Variants in SCAF4 observed in about 807,000 individuals in gnomAD.
SCAF4 encodes SR-related CTD associated factor 4.
SCAF4 carries 25 observed loss-of-function variants against 129.8 expected under a neutral mutation model. That is an observed-to-expected ratio of 0.19 (90% CI 0.14 to 0.27). The LOEUF is 0.27. SCAF4 is among the 10% of genes least tolerant of loss of function. The probability of loss-of-function intolerance (pLI) is 1.00; values close to 1 mark genes in which losing one functional copy is unlikely to be tolerated. For synonymous variants in SCAF4, 551 were observed against 497.7 expected (o/e 1.11, Z -1.43); for missense variants, 1,246 against 1,457.1 (o/e 0.86, Z 2.36).
intron 7 of SCAF4, 133 bp downstream of exon 7, chr21:31,700,859 CTTG>C: frequency 1.0e-6 from 1 of 994,764 alleles, no homozygotes; most frequent in Non-Finnish European, 1.5e-6. Flanking sequence ...TCGATGTTTT[CTTG>C]TTGAGGGGGA....
At chr21:31,706,203 T>G in intron 2 of SCAF4, 71 bp downstream of exon 2, 1 of 1,028,802 alleles carries the variant, frequency 9.7e-7, no homozygotes. Context: ...AGTTGACTTC[T>G]CATGTTTAAA....
rs1568849051 is a variant in SCAF4, at chr21:31,703,912, G to A, written c.174C>T (p.Tyr58=). ...EKFIKKCKPE[Y]KVPGLYVIDS... ...CAATTACATATAATCCCGGAACCTT[G>A]TATTCTGGTTTACACTGCAAGGATA... The change falls in exon 4 of 20, where the codon TAC becomes TAT. Residue 58 remains tyrosine, a synonymous_variant. Transcript: ENST00000286835. 6.4e-7 allele frequency: 1 copy of A among 1,572,892 alleles called. No homozygotes were observed. The highest frequency in any genetic ancestry group is 8.7e-7 in the Non-Finnish European group (1 of 1,151,050).
chr21:31,706,203 T>C (rs912400502), intron 2 of SCAF4, 71 bp downstream of exon 2: 11 of 1,028,684 alleles, frequency 1.1e-5, no homozygotes, highest in Non-Finnish European at 1.6e-5. Flanking sequence ...AGTTGACTTC[T>C]CATGTTTAAA....
At chr21:31,687,831 G>A (rs564616650) in intron 16 of SCAF4, among the ~76,000 whole-genome samples, 1 of 152,186 alleles carries the variant, frequency 6.6e-6, no homozygotes, top group East Asian at 1.9e-4. Context: ...TTATGGGCCA[G>A]GCACGGTGGC....
chr21:31,684,920 A>G, intron 19 of SCAF4, 129 bp downstream of exon 19: 1 of 600,462 alleles, frequency 1.7e-6, no homozygotes, highest in Non-Finnish European at 2.9e-6. Flanking sequence ...AACAACCAAA[A>G]AAGCCAGTCT....
At chr21:31,728,319 C>G (rs1215138482) in intron 1 of SCAF4, among the ~76,000 whole-genome samples, 6 of 152,106 alleles carry the variant, frequency 3.9e-5, no homozygotes. Context: ...CCTTAAGCAA[C>G]ATTTCCCTCT....
rs992465560 is a variant in SCAF4, at chr21:31,692,739, G to C, written c.1514-290C>G. ...ACTGAAGCCAGGGAAGCAATAACTTGCCCACCTCACCCTGCCAATGAACAG... is the reference window on the plus strand; with the variant it reads ...ACTGAAGCCAGGGAAGCAATAACTTCCCCACCTCACCCTGCCAATGAACAG... On this transcript the variant is annotated intron_variant, in intron 12 of 19. Coordinates refer to ENST00000286835, the MANE Select transcript of SCAF4 (RefSeq NM_020706.2). 9.9e-5 allele frequency among the ~76,000 whole-genome samples: 15 copies of C among 152,154 alleles called. 1 individual carries two copies. The highest frequency in any genetic ancestry group is 9.2e-4 in the Admixed American group (14 of 15,266).
intron 15 of SCAF4, among the ~76,000 whole-genome samples, chr21:31,689,329 G>GA (rs2050203153): frequency 2.6e-5 from 4 of 151,308 alleles, no homozygotes; most frequent in Admixed American, 2.6e-4. Flanking sequence ...ACAGAGTCTT[G>GA]CTCTGTCTCC....
At chr21:31,730,968 CTT>C (rs1461541978) in intron 1 of SCAF4, among the ~76,000 whole-genome samples, 3 of 152,280 alleles carry the variant, frequency 2.0e-5, no homozygotes, top group South Asian at 2.1e-4. Context: ...AGCGAATACT[CTT>C]CTCTCCCATT....
At position 31,731,656 on chromosome 21, in the gene SCAF4, C is replaced by A. The variant is rs1179889100; in HGVS notation, c.30+7G>T. On this transcript the variant is annotated splice_region_variant and intron_variant, in intron 1 of 19. Transcript: ENST00000286835. Reference sequence around the variant, plus strand: ...CCCGGCACCCCCCTGCCCCAAACACCCCTTACCTCCTGGTTGAAGGCGTTG... The same window carrying A: ...CCCGGCACCCCCCTGCCCCAAACACACCTTACCTCCTGGTTGAAGGCGTTG... 4 of 1,587,934 alleles carry A rather than the reference C, an allele frequency of 2.5e-6. No homozygotes were observed. The highest frequency in any genetic ancestry group is 2.6e-6 in the Non-Finnish European group (3 of 1,172,064).
intron 19 of SCAF4, among the ~76,000 whole-genome samples, chr21:31,681,246 C>A (rs543817146): frequency 2.0e-5 from 3 of 152,328 alleles, no homozygotes; most frequent in East Asian, 3.9e-4. Context: ...AATAAACATA[C>A]TTGTCAAGAG....
intron 7 of SCAF4, among the ~76,000 whole-genome samples, chr21:31,699,385 T>C (rs1003732205): frequency 2.6e-5 from 4 of 152,068 alleles, no homozygotes; most frequent in Non-Finnish European, 5.9e-5. Context: ...GAAAACCAAA[T>C]ATGTGAGTTT....
intron 1 of SCAF4, among the ~76,000 whole-genome samples, chr21:31,717,880 TATATACAC>T (rs1446176293): frequency 2.0e-5 from 2 of 101,108 alleles, no homozygotes; most frequent in Admixed American, 1.1e-4. Flanking sequence ...CATATACACA[TATATACAC>T]ATATATACAC....
chr21:31,698,187 A>C (rs2050434293), intron 7 of SCAF4, among the ~76,000 whole-genome samples: 1 of 152,222 alleles, frequency 6.6e-6, no homozygotes, highest in Admixed American at 6.5e-5. Flanking sequence ...AATGGGGTCT[A>C]CCCAAAAAGA....
intron 1 of SCAF4, among the ~76,000 whole-genome samples, chr21:31,711,403 C>T (rs897344582): frequency 4.6e-5 from 7 of 152,180 alleles, no homozygotes; most frequent in Admixed American, 1.3e-4. Context: ...CCAGAAATTA[C>T]GCTGATACTT....
chr21:31,721,725 C>CTTTTTTTT (rs1030749806), intron 1 of SCAF4, among the ~76,000 whole-genome samples: 2 of 125,450 alleles, frequency 1.6e-5, no homozygotes, highest in African/African-American at 5.9e-5. Flanking sequence ...AAGAGCAATT[C>CTTTTTTTT]TTTTTTTTTT....
intron 7 of SCAF4, chr21:31,700,768 A>G (rs1200077765): frequency 2.8e-6 from 1 of 363,148 alleles, no homozygotes; most frequent in Non-Finnish European, 4.8e-6. Flanking sequence ...CACTTTTTTA[A>G]TTTTACACTA....
At chr21:31,721,147 C>T (rs1447507139) in intron 1 of SCAF4, among the ~76,000 whole-genome samples, 5 of 152,178 alleles carry the variant, frequency 3.3e-5, no homozygotes, top group African/African-American at 1.2e-4. Flanking sequence ...CTCTCCATTC[C>T]TCCTTTTGCT....
intron 1 of SCAF4, among the ~76,000 whole-genome samples, chr21:31,723,451 T>G (rs1025843961): frequency 6.2e-5 from 9 of 146,294 alleles, no homozygotes; most frequent in African/African-American, 2.2e-4. Flanking sequence ...ACACTCCGTC[T>G]CAAAAAAAAC....
Sources: allele counts gnomAD v4.1 joint callset (sites outside exome capture counted in the v4.1 genomes callset), GRCh38; gene constraint gnomAD v4.1.1; transcripts MANE v1.5; gene names NCBI Gene and HGNC (gene_info 2026-07-23, HGNC 2026-07-21).